Variants in TFEC observed in about 807,000 individuals in gnomAD.
The protein encoded by TFEC is transcription factor EC, also known as class E basic helix-loop-helix protein 34.
In TFEC, 31 loss-of-function variants were observed where a neutral mutation model predicts 41.6. The observed-to-expected ratio is 0.74, with a 90% CI of 0.56 to 1.01. The LOEUF is 1.01. Among genes scored for constraint, TFEC ranks in the 50% least tolerant of loss-of-function variants. The pLI, the probability that TFEC is intolerant of heterozygous loss-of-function variation, is 0.00. For missense variants in TFEC, 402 were observed against 404.1 expected (o/e 0.99, Z 0.04); for synonymous variants, 143 against 140.6 (o/e 1.02, Z -0.12).
chr7:116,142,670 C>A (rs1712373219), intron 1 of TFEC, among the ~76,000 whole-genome samples: 1 of 151,976 alleles, frequency 6.6e-6, no homozygotes, highest in African/African-American at 2.4e-5. Context: ...CAAAGAAAGC[C>A]AGGCTATGAA....
rs545364890 is a variant in TFEC, at chr7:116,139,962, A to G, written c.-69+19828T>C. 2.0e-5 allele frequency among the ~76,000 whole-genome samples: 3 copies of G among 152,370 alleles called. No homozygotes were observed. In the South Asian group the frequency reaches 6.2e-4, roughly 32 times the overall value. ...GCTGGATTGCAGATGTCCAAGAGAC[A>G]TAGATCCAAGGATAAACAAAGCAAA... On this transcript the variant is annotated intron_variant, in intron 1 of 8. Transcript: ENST00000484212.
intron 5 of TFEC, among the ~76,000 whole-genome samples, chr7:115,952,473 TGAA>T (rs1791998585): frequency 6.6e-6 from 1 of 152,052 alleles, no homozygotes; most frequent in Non-Finnish European, 1.5e-5. Context: ...AAATACAAGA[TGAA>T]GAACAACTAT....
At chr7:116,074,225 T>C (rs1038216440) in intron 3 of TFEC, among the ~76,000 whole-genome samples, 1 of 150,708 alleles carries the variant, frequency 6.6e-6, no homozygotes. Flanking sequence ...TGTGCATGCA[T>C]ACACACACAC....
chr7:115,984,242 T>TA lies in TFEC; in HGVS notation c.180+19dup. 6.2e-7 allele frequency: 1 copy of TA among 1,602,192 alleles called. No homozygotes were observed. Among genetic ancestry groups the TA allele is most frequent in the South Asian group, 1.1e-5 (1 of 90,512 alleles). On this transcript the variant is annotated intron_variant, in intron 2 of 7. Coordinates refer to ENST00000265440, the MANE Select transcript of TFEC (RefSeq NM_012252.4). ...TTCAAAAACTGATGATATATTTTTA[T>TA]AACCAGCCATTAGACATACATGCCA... is the stretch of plus-strand genomic sequence containing the variant.
chr7:116,032,162 C>G (rs1795800182), upstream of TFEC, among the ~76,000 whole-genome samples: 1 of 152,054 alleles, frequency 6.6e-6, no homozygotes, highest in Non-Finnish European at 1.5e-5. Context: ...ATATTCACAC[C>G]TGAAAGAATA....
intron 1 of TFEC, among the ~76,000 whole-genome samples, chr7:116,153,215 A>G (rs1798797122): frequency 6.6e-6 from 1 of 152,052 alleles, no homozygotes; most frequent in Non-Finnish European, 1.5e-5. Context: ...AAATTAGGTT[A>G]GGCAGTGGTG....
rs1347040187 is a variant in TFEC, at chr7:115,950,921, A to C, written c.468T>G (p.Asn156Lys). The C allele has an allele frequency of 1.2e-6, 2 of 1,601,562 alleles. No individual in the cohort carries two copies. Among genetic ancestry groups the C allele is most frequent in the Non-Finnish European group, 8.5e-7 (1 of 1,171,600 alleles). Residue 156 changes from asparagine to lysine, a missense_variant, in exon 6 of 8, where the codon AAT becomes AAG. Asn to Lys is a moderately conservative substitution (Grantham distance 94). Transcript: ENST00000265440. ...GAGTGCCAAGCTCCTTGATTCGGTA[A>C]TTAATATTATACCTTCTTCTTCTTT... ...LIERRRRYNI[N>K]YRIKELGTLI...
intron 3 of TFEC, among the ~76,000 whole-genome samples, chr7:116,093,624 T>C (rs1797379146): frequency 1.3e-5 from 2 of 152,196 alleles, no homozygotes; most frequent in South Asian, 4.1e-4. Flanking sequence ...TCTGTGTCAC[T>C]TCATATTCCA....
At chr7:116,018,466 G>T (rs1209553196) in intron 1 of TFEC, among the ~76,000 whole-genome samples, 1 of 152,154 alleles carries the variant, frequency 6.6e-6, no homozygotes, top group Non-Finnish European at 1.5e-5. Context: ...TTATTGGATT[G>T]AAGTAGAAGA....
chr7:116,077,358 A>C (rs1796982491), intron 3 of TFEC, among the ~76,000 whole-genome samples: 1 of 152,148 alleles, frequency 6.6e-6, no homozygotes, highest in Non-Finnish European at 1.5e-5. Context: ...ACAATAACAC[A>C]ATGAAAAAAA....
chr7:116,079,914 T>C (rs755630194), intron 3 of TFEC, among the ~76,000 whole-genome samples: 3 of 152,050 alleles, frequency 2.0e-5, no homozygotes, highest in Admixed American at 6.6e-5. Flanking sequence ...GGCATCACAT[T>C]ACCCGACTTC....
intron 3 of TFEC, among the ~76,000 whole-genome samples, chr7:116,109,618 C>T (rs1390219662): frequency 6.6e-6 from 1 of 152,200 alleles, no homozygotes; most frequent in African/African-American, 2.4e-5. Flanking sequence ...CACTTTTACA[C>T]TGTTGGTGGG....
chr7:116,058,615 T>C (rs1431279923), intron 3 of TFEC, among the ~76,000 whole-genome samples: 1 of 151,672 alleles, frequency 6.6e-6, no homozygotes, highest in African/African-American at 2.4e-5. Context: ...ACATGGGAAA[T>C]TGACCAAGAC....
intron 6 of TFEC, among the ~76,000 whole-genome samples, chr7:115,949,308 C>G (rs1241424500): frequency 6.6e-6 from 1 of 152,008 alleles, no homozygotes; most frequent in Non-Finnish European, 1.5e-5. Flanking sequence ...CCATCCCCAT[C>G]AAGCTACCAA....
At chr7:116,132,427 A>G (rs766907031) in intron 1 of TFEC, among the ~76,000 whole-genome samples, 1 of 152,208 alleles carries the variant, frequency 6.6e-6, no homozygotes, top group Non-Finnish European at 1.5e-5. Flanking sequence ...AAAGCTTAGA[A>G]TATTATCAGC....
chr7:115,956,281 T>G (rs942904487), intron 4 of TFEC, among the ~76,000 whole-genome samples: 2 of 150,428 alleles, frequency 1.3e-5, no homozygotes, highest in Non-Finnish European at 3.0e-5. Context: ...TTTATCAAAT[T>G]CTGCATACAA....
At chr7:115,949,817 A>C (rs1791830574) in intron 6 of TFEC, among the ~76,000 whole-genome samples, 1 of 152,162 alleles carries the variant, frequency 6.6e-6, no homozygotes, top group African/African-American at 2.4e-5. Context: ...AAAACACCAA[A>C]AGCAATGGCA....
chr7:116,086,522 T>G (rs1373918082), intron 3 of TFEC, among the ~76,000 whole-genome samples: 1 of 151,928 alleles, frequency 6.6e-6, no homozygotes. Flanking sequence ...GATGAGGTGA[T>G]GGATATGCTA....
intron 3 of TFEC, among the ~76,000 whole-genome samples, chr7:116,086,802 CAGCTTATACTT>C (rs1300063520): frequency 6.6e-6 from 1 of 151,870 alleles, no homozygotes; most frequent in East Asian, 1.9e-4. Context: ...TACTAGTAAA[CAGCTTATACTT>C]AAATAGAATG....
Sources: gnomAD v4.1 joint callset for allele counts (sites outside exome capture counted in the v4.1 genomes callset) on GRCh38, gnomAD v4.1.1 for gene constraint, MANE v1.5 for transcripts, NCBI Gene and HGNC (gene_info 2026-07-23, HGNC 2026-07-21) for gene names.